NOBOX: variants seen among roughly 807,000 people sequenced by gnomAD.
The protein encoded by NOBOX is NOBOX oogenesis homeobox, also known as homeobox protein NOBOX.
A neutral mutation model predicts 60.2 loss-of-function variants in NOBOX; 46 were observed. The observed-to-expected ratio is 0.76, with a 90% CI of 0.60 to 0.98. The LOEUF (loss-of-function observed/expected upper bound fraction) is 0.98. Ranked by LOEUF, NOBOX falls within the 50% of genes least tolerant of loss-of-function variation. The pLI, the probability that NOBOX is intolerant of heterozygous loss-of-function variation, is 0.00. For missense variants in NOBOX, 880 were observed against 865.5 expected (o/e 1.02, Z -0.21); for synonymous variants, 360 against 346.3 (o/e 1.04, Z -0.44).
chr7:144,399,969 G>A, intron 5 of NOBOX, 106 bp from the exon 4 acceptor site: 1 of 1,271,712 alleles, frequency 7.9e-7, no homozygotes, highest in Non-Finnish European at 1.1e-6. Context: ...GGTCACTCCA[G>A]CACTCTGCTT....
chr7:144,406,384 C>G (rs1274460311), intron 1 of NOBOX, among the ~76,000 whole-genome samples: 1 of 152,090 alleles, frequency 6.6e-6, no homozygotes, highest in Non-Finnish European at 1.5e-5. Flanking sequence ...ATGGTGAAAC[C>G]CTGTCTCTAC....
At chr7:144,406,204 A>G (rs1340252527) in intron 1 of NOBOX, among the ~76,000 whole-genome samples, 1 of 152,216 alleles carries the variant, frequency 6.6e-6, no homozygotes, top group Non-Finnish European at 1.5e-5. Flanking sequence ...CCACAAACTG[A>G]AAGATACAGG....
Position 144,401,203 on chromosome 7 carries a change from T to A in NOBOX, c.687A>T (p.Thr229=). Residue 229 remains threonine, a synonymous_variant, in exon 4 of 10, where the codon ACA becomes ACT. Transcript: ENST00000467773. This position sits in a 1 kb window ranked among gnomAD's most constrained non-coding sequence, Gnocchi z 4.2. ...CTGACCCACAGGGCACTGGGTTGTG[T>A]GTGGCACGGGCTGAGTTAGGGGCAC... The A allele has an allele frequency of 6.2e-7, 1 of 1,613,710 alleles. No homozygotes were observed. Among genetic ancestry groups the A allele is most frequent in the Non-Finnish European group, 8.5e-7 (1 of 1,179,794 alleles).
intron 1 of NOBOX, among the ~76,000 whole-genome samples, chr7:144,408,194 GC>G (rs770948940): frequency 6.6e-6 from 1 of 150,532 alleles, no homozygotes; most frequent in Non-Finnish European, 1.5e-5. Flanking sequence ...AAATCGCCAT[GC>G]CTTCTCAGGG....
At position 144,401,006 on chromosome 7, in the gene NOBOX, G is replaced by T; in HGVS notation, c.844+40C>A. On this transcript the variant is annotated intron_variant, in intron 4 of 9. Transcript: ENST00000467773. The surrounding 1 kb of genome is among the most constrained non-coding windows in gnomAD (Gnocchi z 4.2). ...ACACAGCCCCACCTTTCCCCAGGAT[G>T]ACCCCAGATCTCTTCGGTTTCCTCT... The T allele has an allele frequency of 7.0e-7, 1 of 1,434,424 alleles. No individual in the cohort carries two copies. Among genetic ancestry groups the T allele is most frequent in the South Asian group, 1.8e-5 (1 of 54,264 alleles). The allele number at this position is 1,434,424 out of a possible 1,614,324, so 88.9% of individuals were successfully genotyped here.
intron 9 of NOBOX, among the ~76,000 whole-genome samples, chr7:144,397,834 TTCTGCTAGAATCTAGTCTTAATATGACA>T (rs1563126959): frequency 6.6e-6 from 1 of 152,206 alleles, no homozygotes; most frequent in Non-Finnish European, 1.5e-5. Context: ...TTTCCTCCCC[TTCTGCTAGAATCTAGTCTTAATATGACA>T]GATGTTTCTG....
chr7:144,399,632 A>C (rs978580974), intron 6 of NOBOX, 125 bp downstream of exon 4: 1 of 1,139,334 alleles, frequency 8.8e-7, no homozygotes, highest in South Asian at 1.4e-5. Flanking sequence ...ATCCCTCTAA[A>C]TCTTAGCTGG....
intron 1 of NOBOX, chr7:144,410,027 G>T: frequency 1.6e-6 from 1 of 631,268 alleles, no homozygotes; most frequent in Non-Finnish European, 2.7e-6. Flanking sequence ...TAGGGTCACT[G>T]GCTCCCAAGA....
At chr7:144,397,141 C>A, downstream of NOBOX, 1 of 1,029,600 alleles carries the variant, frequency 9.7e-7, no homozygotes, top group African/African-American at 1.6e-5. Context: ...CCTCAGTCTA[C>A]AGAGTCCACA....
At chr7:144,398,715 T>C in intron 8 of NOBOX, 129 bp from the exon 7 acceptor site, 2 of 696,028 alleles carry the variant, frequency 2.9e-6, no homozygotes, top group South Asian at 3.7e-5. Context: ...GCAAGGCTGC[T>C]GCAGCTGCCT....
At chr7:144,408,078 C>T (rs892051500) in intron 1 of NOBOX, among the ~76,000 whole-genome samples, 1 of 152,138 alleles carries the variant, frequency 6.6e-6, no homozygotes, top group South Asian at 2.1e-4. Flanking sequence ...CAAAACCCGG[C>T]CCCAACCTTC....
rs999292604 is a variant in NOBOX, at chr7:144,400,107, T to C, written c.1047+3A>G. On this transcript the variant is annotated splice_donor_region_variant and intron_variant, in intron 5 of 9. Transcript: ENST00000467773. ...ACGTCTGAGGCCTCAATTCAGCTCC[T>C]ACCCAGGCTACCGCTGAGCGCTCAC... 6 of 1,611,346 alleles carry C rather than the reference T, an allele frequency of 3.7e-6. No individual in the cohort carries two copies. Among genetic ancestry groups the C allele is most frequent in the Non-Finnish European group, 5.1e-6 (6 of 1,179,710 alleles).
intron 5 of NOBOX, 123 bp downstream of exon 3, chr7:144,400,083 C>A: frequency 4.4e-6 from 7 of 1,602,000 alleles, no homozygotes; most frequent in Non-Finnish European, 6.0e-6. Context: ...GACACAGCCA[C>A]GTCTGAGGCC....
chr7:144,402,020 T>G, intron 2 of NOBOX: 59 of 1,130,452 alleles, frequency 5.2e-5, no homozygotes, highest in Non-Finnish European at 7.1e-5. Flanking sequence ...GGCGGGATGC[T>G]GTTTCTGCTG....
At chr7:144,403,431 T>G (rs570415772) in intron 2 of NOBOX, among the ~76,000 whole-genome samples, 1 of 151,654 alleles carries the variant, frequency 6.6e-6, no homozygotes, top group Admixed American at 6.6e-5. Context: ...GCTGGGAGAC[T>G]GGAGGCGGGC....
chr7:144,402,346 G>T (rs10247397), intron 2 of NOBOX, among the ~76,000 whole-genome samples: 3,872 of 152,218 alleles, frequency 0.025, 193 homozygotes, highest in African/African-American at 0.089. Context: ...TCTGTGAGCT[G>T]ACTGATGCAT....
chr7:144,404,018 G>A (rs549817608), intron 2 of NOBOX, among the ~76,000 whole-genome samples: 1 of 152,148 alleles, frequency 6.6e-6, no homozygotes, highest in East Asian at 1.9e-4. Context: ...TGGGGTGGGA[G>A]GCGGGAGCGA....
At chr7:144,403,086 G>C (rs2053954933) in intron 2 of NOBOX, among the ~76,000 whole-genome samples, 1 of 152,128 alleles carries the variant, frequency 6.6e-6, no homozygotes, top group African/African-American at 2.4e-5. Flanking sequence ...AGAGTGTCAA[G>C]GAAAAAGGTC....
chr7:144,398,266 C>T lies in NOBOX; in HGVS notation c.1774+16G>A. The T allele has an allele frequency of 6.5e-7, 1 of 1,536,778 alleles. No homozygotes were observed. Among genetic ancestry groups the T allele is most frequent in the Non-Finnish European group, 8.7e-7 (1 of 1,146,746 alleles). On this transcript the variant is annotated intron_variant, in intron 9 of 9. Coordinates refer to ENST00000467773, the MANE Select transcript of NOBOX (RefSeq NM_001080413.3). ...CCTCAATCTCAAGGGGACCTTCTCT[C>T]CCAGCCTCAACTCACCTATATTCCC...
Sources: allele counts gnomAD v4.1 joint callset (sites outside exome capture counted in the v4.1 genomes callset), GRCh38; gene constraint gnomAD v4.1.1; non-coding constraint Gnocchi (gnomAD v3.1); transcripts MANE v1.5; gene names NCBI Gene and HGNC (gene_info 2026-07-23, HGNC 2026-07-21).